Variants in GALP observed in about 807,000 individuals in gnomAD.
The protein encoded by GALP is galanin-like peptide.
In GALP, 12 loss-of-function variants were observed where a neutral mutation model predicts 15.2. The ratio of observed to expected loss-of-function variants is 0.79; its 90% CI spans 0.51 to 1.28. The LOEUF (loss-of-function observed/expected upper bound fraction) is 1.28. GALP is among the 50% of genes most tolerant of loss of function. The pLI is 0.00. For synonymous variants in GALP, 58 were observed against 55.1 expected (o/e 1.05, Z -0.23); for missense variants, 161 against 145.6 (o/e 1.11, Z -0.55).
At position 56,184,484 on chromosome 19, in the gene GALP, C is replaced by CTTTTT. The variant is rs11414322; in HGVS notation, c.296-718_296-714dup. On this transcript the variant is annotated intron_variant, in intron 5 of 5. Transcript: ENST00000357330. ...CAATCCTTTTTTTTCTTTTCTTTTT[C>CTTTTT]TTTTTTTTTTTTTTTTTGAGACGGA... Among the ~76,000 whole-genome samples the CTTTTT allele has an allele frequency of 2.5e-4, 29 of 117,636 alleles. 1 individual carries two copies. The highest frequency in any genetic ancestry group is 1.2e-3 in the East Asian group (5 of 4,116). The allele number at this position is 117,636 out of a possible 152,430, so 77.2% of individuals were successfully genotyped here.
At chr19:56,177,549 T>C (rs1599926656) in intron 2 of GALP, among the ~76,000 whole-genome samples, 1 of 149,492 alleles carries the variant, frequency 6.7e-6, no homozygotes, top group East Asian at 2.0e-4. Context: ...GGTTTCACCA[T>C]GTTGGCTAGG....
intron 2 of GALP, among the ~76,000 whole-genome samples, chr19:56,178,040 C>T (rs1340890354): frequency 1.3e-5 from 2 of 151,652 alleles, no homozygotes; most frequent in Non-Finnish European, 2.9e-5. Flanking sequence ...GTTCTCACCA[C>T]AAAAAAGCTA....
At chr19:56,183,700 C>T (rs748467940) in intron 5 of GALP, among the ~76,000 whole-genome samples, 21 of 152,270 alleles carry the variant, frequency 1.4e-4, no homozygotes, top group Admixed American at 2.0e-4. Flanking sequence ...CGTGTTCAAG[C>T]GATTCTTCTG....
At chr19:56,177,271 CT>C (rs1458586874) in intron 2 of GALP, 76 bp downstream of exon 2, 10 of 1,243,386 alleles carry the variant, frequency 8.0e-6, no homozygotes, top group African/African-American at 1.5e-5. Flanking sequence ...TTTAAAAATG[CT>C]TCTGGCTTGT....
At chr19:56,176,454 T>C (rs2032460986) in intron 1 of GALP, among the ~76,000 whole-genome samples, 1 of 96,232 alleles carries the variant, frequency 1.0e-5, no homozygotes, top group African/African-American at 4.6e-5. Context: ...GGATGCCAGC[T>C]GCAGCGGGGT....
intron 3 of GALP, among the ~76,000 whole-genome samples, chr19:56,181,789 C>A (rs988100796): frequency 7.2e-5 from 11 of 152,120 alleles, no homozygotes. Flanking sequence ...CCCATGGCCA[C>A]GTGCTGCATA....
intron 1 of GALP, 63 bp downstream of exon 1, chr19:56,176,125 GCCA>G (rs1388855293): frequency 1.9e-5 from 3 of 158,102 alleles, no homozygotes; most frequent in African/African-American, 7.6e-5. Flanking sequence ...GAGAGCCTAG[GCCA>G]GGAGGGCACA....
intron 3 of GALP, among the ~76,000 whole-genome samples, chr19:56,181,933 G>A (rs1848777837): frequency 6.6e-6 from 1 of 152,154 alleles, no homozygotes; most frequent in Non-Finnish European, 1.5e-5. Context: ...TGTGGACCCA[G>A]ACCTAGGTGG....
At chr19:56,183,025 G>C (rs1309012884) in intron 4 of GALP, 110 bp from the exon 5 acceptor site, 8 of 725,664 alleles carry the variant, frequency 1.1e-5, no homozygotes, top group East Asian at 2.8e-5. Flanking sequence ...CTCCACCCTC[G>C]GGAAGGACCC....
intron 5 of GALP, among the ~76,000 whole-genome samples, chr19:56,184,584 C>T (rs2032623815): frequency 6.9e-6 from 1 of 145,172 alleles, no homozygotes; most frequent in African/African-American, 2.6e-5. Flanking sequence ...CCTGGGTTCT[C>T]GCCATTCTCC....
rs186340663 is a variant in GALP, at chr19:56,183,744, C to T, written c.295+532C>T. Among the ~76,000 whole-genome samples, 555 of 152,086 alleles carry T rather than the reference C, an allele frequency of 3.6e-3. 2 individuals carry two copies. The highest frequency in any genetic ancestry group is 0.019 in the East Asian group (96 of 5,160). On this transcript the variant is annotated intron_variant, in intron 5 of 5. Coordinates refer to ENST00000357330, the MANE Select transcript of GALP (RefSeq NM_033106.4). ...TCCCGAGTAGCTGGGATTACAGGCA[C>T]GCGCCACCATGTCCGGCTAATTTTT...
chr19:56,179,403 G>C (rs893792475), intron 2 of GALP, among the ~76,000 whole-genome samples: 14 of 150,468 alleles, frequency 9.3e-5, no homozygotes, highest in African/African-American at 3.4e-4. Context: ...TGCCTCCCAG[G>C]TTCACGCCAT....
chr19:56,180,694 C>T (rs902105894), intron 3 of GALP, 60 bp downstream of exon 3: 7 of 1,425,842 alleles, frequency 4.9e-6, no homozygotes, highest in Non-Finnish European at 4.0e-6. Flanking sequence ...TTGCTGCAGG[C>T]AGTGAGTTTG....
In GALP at chr19:56,182,195, G is replaced by T. The variant is rs777031197; in HGVS notation, c.160G>T (p.Asp54Tyr). 13 of 1,613,954 alleles carry T rather than the reference G, an allele frequency of 8.1e-6. No homozygotes were observed. Among genetic ancestry groups the T allele is most frequent in the Non-Finnish European group, 1.0e-5 (12 of 1,179,844 alleles). The change falls in exon 4 of 6, where the codon GAC becomes TAC. Residue 54 changes from aspartate (D) to tyrosine (Y), a missense_variant. Transcript: ENST00000357330. The stretch of plus-strand genomic sequence containing the variant: ...AGTCCTCCACCTTCCCCAAATGGGT[G>T]ACCAAGACGGAAAGAGGGAGACAGC... ...GPVLHLPQMG[D>Y]QDGKRETALE...
At chr19:56,177,281 GTGTCAAGGGTCC>G in intron 2 of GALP, 86 bp downstream of exon 2, 2 of 1,095,156 alleles carry the variant, frequency 1.8e-6, no homozygotes, top group Admixed American at 3.8e-5. Context: ...CTTCTGGCTT[GTGTCAAGGGTCC>G]TGGGGAAGAA....
Position 56,177,526 on chromosome 19 carries a change from A to AAAAG in GALP, c.87+333_87+334insAGAA, listed in dbSNP as rs1555785863. Among the ~76,000 whole-genome samples, 40 of 146,520 alleles carry AAAAG rather than the reference A, an allele frequency of 2.7e-4. 2 individuals carry two copies. The highest frequency in any genetic ancestry group is 4.2e-4 in the South Asian group (2 of 4,708). On this transcript the variant is annotated intron_variant, in intron 2 of 5. Transcript: ENST00000357330. ...ACTCCATCTCAAAAAAAAAAAAAAA[A>AAAAG]AAGAAGAAATGGGGTTTCACCATGT...
At position 56,180,653 on chromosome 19, in the gene GALP, A is replaced by C. The variant is rs1488786670; in HGVS notation, c.136+19A>C. 1.2e-6 allele frequency: 2 copies of C among 1,610,904 alleles called. No individual in the cohort carries two copies. The highest frequency in any genetic ancestry group is 2.7e-5 in the African/African-American group (2 of 74,800). Reference sequence around the variant, plus strand: ...GGTCCCGGTGAGTGAGGCTGCGCTCAGCTCTCCATCCCTGGCCCGAGTCTG... The same window carrying C: ...GGTCCCGGTGAGTGAGGCTGCGCTCCGCTCTCCATCCCTGGCCCGAGTCTG... On this transcript the variant is annotated intron_variant, in intron 3 of 5. Transcript: ENST00000357330.
At chr19:56,182,127 C>A in intron 3 of GALP, 45 bp from the exon 4 acceptor site, 1 of 1,367,174 alleles carries the variant, frequency 7.3e-7, no homozygotes, top group Non-Finnish European at 1.0e-6. Context: ...TTCTTCAGTT[C>A]TACTTAACCG....
At chr19:56,180,528 T>G in intron 2 of GALP, 58 bp from the exon 3 acceptor site, 4 of 1,461,458 alleles carry the variant, frequency 2.7e-6, no homozygotes, top group Non-Finnish European at 3.8e-6. Context: ...CCCGGACCTG[T>G]GGGACGCCTG....
Sources: allele counts gnomAD v4.1 joint callset (sites outside exome capture counted in the v4.1 genomes callset), GRCh38; gene constraint gnomAD v4.1.1; transcripts MANE v1.5; gene names NCBI Gene and HGNC (gene_info 2026-07-23, HGNC 2026-07-21).